BLTP2: variants seen among roughly 807,000 people sequenced by gnomAD.
The protein encoded by BLTP2 is bridge-like lipid transfer protein family member 2.
At chr17:28,625,348 AAAAAAAAAAAG>A in the BLTP2 span, among the ~76,000 whole-genome samples, 3 of 150,430 alleles carry the variant, frequency 2.0e-5, no homozygotes, top group African/African-American at 7.3e-5. Context: ...AAAAAAAAAA[AAAAAAAAAAAG>A]AAAAAGAAAA....
chr17:28,615,049 A>G, the BLTP2 span: 1 of 1,608,908 alleles, frequency 6.2e-7, no homozygotes, highest in Non-Finnish European at 8.5e-7. Flanking sequence ...TACTGCAGCC[A>G]CTCGAATCGC....
the BLTP2 span, chr17:28,634,570 T>A: frequency 6.2e-7 from 1 of 1,614,106 alleles, no homozygotes; most frequent in Non-Finnish European, 8.5e-7. Context: ...AATGACAAGA[T>A]CTAATCCCTC....
At chr17:28,641,921 G>A in the BLTP2 span, 19 of 1,613,826 alleles carry the variant, frequency 1.2e-5, no homozygotes, top group Non-Finnish European at 1.6e-5. Context: ...TGCTAGGCTT[G>A]GGCCCTGGCA....
chr17:28,643,091 G>A, the BLTP2 span: 4 of 1,598,448 alleles, frequency 2.5e-6, no homozygotes, highest in Non-Finnish European at 3.4e-6. Flanking sequence ...CCTAAAAACA[G>A]AAAAATCTAC....
At chr17:28,641,162 CAA>C in the BLTP2 span, among the ~76,000 whole-genome samples, 1 of 152,198 alleles carries the variant, frequency 6.6e-6, no homozygotes, top group Non-Finnish European at 1.5e-5. Context: ...CTCATGTATA[CAA>C]AAAGTCAGCC....
chr17:28,638,061 T>C, the BLTP2 span: 3 of 1,614,166 alleles, frequency 1.9e-6, no homozygotes, highest in Non-Finnish European at 2.5e-6. Flanking sequence ...TCTGACTGGG[T>C]GCTGGACAGG....
chr17:28,624,687 TTTTA>T, the BLTP2 span, among the ~76,000 whole-genome samples: 4 of 152,254 alleles, frequency 2.6e-5, no homozygotes, highest in South Asian at 4.2e-4. Context: ...CTTACCCCCA[TTTTA>T]TTTCTTTTTT....
chr17:28,632,320 T>C, the BLTP2 span: 17 of 1,350,846 alleles, frequency 1.3e-5, no homozygotes, highest in Admixed American at 2.2e-5. Context: ...CTGCAGGTTG[T>C]AGAGGTTTAA....
At chr17:28,637,417 C>T in the BLTP2 span, among the ~76,000 whole-genome samples, 1 of 152,168 alleles carries the variant, frequency 6.6e-6, no homozygotes, top group Non-Finnish European at 1.5e-5. Flanking sequence ...GAACTAAACA[C>T]ACAAGGAAAT....
the BLTP2 span, chr17:28,628,308 G>A: frequency 1.2e-6 from 2 of 1,614,058 alleles, no homozygotes; most frequent in African/African-American, 2.7e-5. Flanking sequence ...AGCTGGGAGT[G>A]TTAACACGAG....
chr17:28,632,342 C>G, the BLTP2 span: 3 of 903,496 alleles, frequency 3.3e-6, no homozygotes, highest in Non-Finnish European at 5.1e-6. Flanking sequence ...AATCCAAAAT[C>G]CAAACAGCAC....
the BLTP2 span, among the ~76,000 whole-genome samples, chr17:28,641,656 A>AG: frequency 1.3e-5 from 2 of 150,980 alleles, no homozygotes; most frequent in Non-Finnish European, 2.9e-5. Flanking sequence ...TTAAAAAAAA[A>AG]GGAAAAAAAA....
the BLTP2 span, among the ~76,000 whole-genome samples, chr17:28,626,412 C>A: frequency 6.6e-6 from 1 of 152,202 alleles, no homozygotes; most frequent in Non-Finnish European, 1.5e-5. Context: ...TGCTTCCTGG[C>A]ATATAAAATC....
chr17:28,630,021 C>T, the BLTP2 span, among the ~76,000 whole-genome samples: 1 of 152,178 alleles, frequency 6.6e-6, no homozygotes, highest in Non-Finnish European at 1.5e-5. Context: ...GCCACCATGC[C>T]TGGCTAATTT....
chr17:28,634,785 G>C, the BLTP2 span: 1 of 1,613,982 alleles, frequency 6.2e-7, no homozygotes, highest in Non-Finnish European at 8.5e-7. Context: ...AAGAGGCATA[G>C]AGCTCCTCAA....
At chr17:28,617,581 G>A in the BLTP2 span, among the ~76,000 whole-genome samples, 2 of 152,304 alleles carry the variant, frequency 1.3e-5, no homozygotes, top group Non-Finnish European at 2.9e-5. Flanking sequence ...GCCTCTGGTA[G>A]GAGAAAGTAA....
the BLTP2 span, chr17:28,634,398 CT>C: frequency 1.1e-6 from 1 of 936,688 alleles, no homozygotes; most frequent in Non-Finnish European, 1.6e-6. Flanking sequence ...ACCCATCCCA[CT>C]CCACCCACCC....
the BLTP2 span, among the ~76,000 whole-genome samples, chr17:28,626,037 A>T: frequency 1.3e-5 from 2 of 152,212 alleles, no homozygotes; most frequent in African/African-American, 4.8e-5. Context: ...TGCTGGGACT[A>T]CGGGCGTGAG....
the BLTP2 span, chr17:28,633,726 C>T: frequency 1.5e-5 from 25 of 1,613,888 alleles, no homozygotes; most frequent in Admixed American, 1.3e-4. Context: ...ATGGGCCCCA[C>T]ACCACTGTGT....
Sources: allele counts gnomAD v4.1 joint callset (sites outside exome capture counted in the v4.1 genomes callset), GRCh38; gene constraint gnomAD v4.1.1; transcripts MANE v1.5; gene names NCBI Gene and HGNC (gene_info 2026-07-23, HGNC 2026-07-21).